The following AMD1 variants were observed in gnomAD, a reference collection of about 807,000 sequenced individuals.
AMD1 encodes adenosylmethionine decarboxylase 1, also known as S-adenosylmethionine decarboxylase proenzyme.
AMD1 carries 11 observed loss-of-function variants against 40.2 expected under a neutral mutation model. That is an observed-to-expected ratio of 0.27 (90% CI 0.17 to 0.45). The LOEUF (loss-of-function observed/expected upper bound fraction) is 0.45. AMD1 is among the 20% of genes least tolerant of loss of function. The pLI is 1.00. For missense variants in AMD1, 257 were observed against 410.2 expected, an observed-to-expected ratio of 0.63 and a Z score of 3.23; for synonymous variants, 121 against 130.8, an observed-to-expected ratio of 0.93 and a Z score of 0.51.
In AMD1 at chr6:110,875,188, G is replaced by T. The variant is rs1356386825; in HGVS notation, c.83G>T (p.Gly28Val). 1.9e-6 allele frequency: 3 copies of T among 1,612,272 alleles called. No individual in the cohort carries two copies. Among genetic ancestry groups the T allele is most frequent in the Non-Finnish European group, 1.7e-6 (2 of 1,179,288 alleles). ...CGGCAGCAGCCCGACGCAAACCAAG[G>T]ATCTGGGGATCTTCGCACTATCCCA... ...FSRQQPDANQ[G>V]SGDLRTIPRS... Residue 28 changes from glycine (G) to valine (V), a missense_variant, in exon 1 of 9, where the codon GGA (glycine) becomes GTA (valine). Around this residue, in one of 3 missense-constraint regions of AMD1, gnomAD observed 57 missense variants for 76.8 expected, o/e 0.74. Coordinates refer to ENST00000368885, the MANE Select transcript of AMD1 (RefSeq NM_001634.6).
At chr6:110,857,577 GTA>G in the AMD1 span, among the ~76,000 whole-genome samples, 1 of 141,038 alleles carries the variant, frequency 7.1e-6, no homozygotes, top group South Asian at 2.2e-4. Flanking sequence ...ATATAATATG[GTA>G]TATATATATA....
chr6:110,829,369 CAAAAAAA>C, the AMD1 span, among the ~76,000 whole-genome samples: 2 of 132,428 alleles, frequency 1.5e-5, no homozygotes, highest in Non-Finnish European at 3.3e-5. Context: ...CTATCTCTAC[CAAAAAAA>C]AAAAAAAATT....
chr6:110,828,899 C>T, the AMD1 span, among the ~76,000 whole-genome samples: 1 of 152,196 alleles, frequency 6.6e-6, no homozygotes, highest in East Asian at 1.9e-4. Context: ...TGGCTGGGCG[C>T]GGTGGTTCAC....
chr6:110,814,887 C>A, the AMD1 span: 1 of 1,361,914 alleles, frequency 7.3e-7, no homozygotes, highest in Non-Finnish European at 1.0e-6. Context: ...GGACGCAACC[C>A]CGCGACCCCC....
chr6:110,851,370 G>A, the AMD1 span, among the ~76,000 whole-genome samples: 1 of 152,098 alleles, frequency 6.6e-6, no homozygotes, highest in Non-Finnish European at 1.5e-5. Flanking sequence ...CCAAAATATT[G>A]GGATTACAGG....
the AMD1 span, among the ~76,000 whole-genome samples, chr6:110,844,564 G>A: frequency 6.6e-6 from 1 of 151,790 alleles, no homozygotes; most frequent in African/African-American, 2.4e-5. Context: ...GGCGGATCAC[G>A]AGGTCAGGAG....
chr6:110,831,353 G>A, the AMD1 span, among the ~76,000 whole-genome samples: 5 of 151,804 alleles, frequency 3.3e-5, no homozygotes, highest in Non-Finnish European at 7.4e-5. Flanking sequence ...GCAGGAGAAT[G>A]GCTTGAACTC....
the AMD1 span, among the ~76,000 whole-genome samples, chr6:110,867,489 C>T: frequency 5.3e-5 from 8 of 151,978 alleles, no homozygotes; most frequent in Admixed American, 1.3e-4. Context: ...CATGGCAAAA[C>T]CCCATCTCTA....
At chr6:110,875,855 C>T (rs1450268361) in intron 1 of AMD1, among the ~76,000 whole-genome samples, 3 of 152,126 alleles carry the variant, frequency 2.0e-5, no homozygotes, top group African/African-American at 4.8e-5. Flanking sequence ...GGCCCCACCG[C>T]TCCCCTAACA....
At chr6:110,819,996 C>T in the AMD1 span, among the ~76,000 whole-genome samples, 1 of 152,064 alleles carries the variant, frequency 6.6e-6, no homozygotes, top group African/African-American at 2.4e-5. Flanking sequence ...GAGAAGTTAC[C>T]CTATAGAGTC....
the AMD1 span, among the ~76,000 whole-genome samples, chr6:110,827,232 G>C: frequency 6.6e-6 from 1 of 151,924 alleles, no homozygotes; most frequent in African/African-American, 2.4e-5. Flanking sequence ...CATTCAGTGG[G>C]AATTGGAGGG....
the AMD1 span, among the ~76,000 whole-genome samples, chr6:110,859,544 A>G: frequency 6.6e-6 from 1 of 152,072 alleles, no homozygotes; most frequent in African/African-American, 2.4e-5. Flanking sequence ...AGTTTCAGGA[A>G]GTATTAACAA....
At chr6:110,850,494 A>G in the AMD1 span, among the ~76,000 whole-genome samples, 7 of 152,068 alleles carry the variant, frequency 4.6e-5, no homozygotes, top group Non-Finnish European at 8.8e-5. Context: ...CTGAAGACCC[A>G]CCCCAACCAT....
chr6:110,868,959 C>T, the AMD1 span, among the ~76,000 whole-genome samples: 1 of 151,236 alleles, frequency 6.6e-6, no homozygotes, highest in African/African-American at 2.4e-5. Context: ...ACTCGGGAGG[C>T]TGAAGCAGCA....
At chr6:110,889,978 T>G (rs1583221804) in intron 3 of AMD1, 2 of 298,940 alleles carry the variant, frequency 6.7e-6, no homozygotes, top group South Asian at 5.5e-5. Flanking sequence ...ATAGTTGTTA[T>G]GACCCATCAT....
rs1464928306 is a variant in AMD1 at position 110,894,344 on chromosome 6, C to T, written c.*728C>T. On this transcript the variant is annotated 3_prime_UTR_variant, in exon 9 of 9. Coordinates refer to ENST00000368885, the MANE Select transcript of AMD1 (RefSeq NM_001634.6). Reference sequence around the variant, plus strand: ...TGTGGGTTTATATACTAATTCTATACCCCAGATGGGGAATGGGGGAGATGG... The same window carrying T: ...TGTGGGTTTATATACTAATTCTATATCCCAGATGGGGAATGGGGGAGATGG... 1 of 152,582 alleles carries T rather than the reference C, an allele frequency of 6.6e-6. No individual in the cohort carries two copies. Among genetic ancestry groups the T allele is most frequent in the Non-Finnish European group, 1.5e-5 (1 of 68,048 alleles). The allele number at this position is 152,582 out of a possible 1,614,324, so 9.5% of individuals were successfully genotyped here.
the AMD1 span, among the ~76,000 whole-genome samples, chr6:110,821,834 G>A: frequency 6.0e-4 from 92 of 152,270 alleles, no homozygotes; most frequent in Non-Finnish European, 1.2e-3. Context: ...TGAGAGGAAA[G>A]TTTTTAGTGC....
the AMD1 span, among the ~76,000 whole-genome samples, chr6:110,835,035 T>C: frequency 6.6e-6 from 1 of 150,604 alleles, no homozygotes; most frequent in Non-Finnish European, 1.5e-5. Flanking sequence ...TTTTTTTTTT[T>C]TGAGACAGAG....
the AMD1 span, among the ~76,000 whole-genome samples, chr6:110,828,786 G>T: frequency 6.6e-6 from 1 of 152,186 alleles, no homozygotes; most frequent in African/African-American, 2.4e-5. Context: ...GTTTGCTCAT[G>T]GTCTAAGGTG....
Sources: gnomAD v4.1 joint callset for allele counts (sites outside exome capture counted in the v4.1 genomes callset) on GRCh38, gnomAD v4.1.1 for gene constraint, gnomAD v4.1.1 regional missense constraint, MANE v1.5 for transcripts, NCBI Gene and HGNC (gene_info 2026-07-23, HGNC 2026-07-21) for gene names.